Variants in QTMAN observed in about 807,000 individuals in gnomAD.
QTMAN encodes the protein queuosine-tRNA mannosyltransferase, also known as tRNA-queuosine alpha-mannosyltransferase.
the QTMAN span, among the ~76,000 whole-genome samples, chr2:144,303,232 A>T: frequency 1.3e-5 from 2 of 152,236 alleles, no homozygotes; most frequent in Non-Finnish European, 2.9e-5. Flanking sequence ...AAAGAAACAG[A>T]GGCTAGTAAA....
the QTMAN span, among the ~76,000 whole-genome samples, chr2:143,980,477 C>T: frequency 6.6e-6 from 1 of 152,132 alleles, no homozygotes; most frequent in Non-Finnish European, 1.5e-5. Flanking sequence ...ATCACATAGT[C>T]TAAAAAGTTA....
At chr2:144,092,241 T>C in the QTMAN span, among the ~76,000 whole-genome samples, 1 of 151,810 alleles carries the variant, frequency 6.6e-6, no homozygotes, top group Non-Finnish European at 1.5e-5. Context: ...AGTGGCATGA[T>C]CTCGGCTCAC....
At chr2:144,158,027 T>C in the QTMAN span, among the ~76,000 whole-genome samples, 1 of 152,078 alleles carries the variant, frequency 6.6e-6, no homozygotes, top group Non-Finnish European at 1.5e-5. Context: ...CTATTATTAT[T>C]CCTTTTTAAG....
At chr2:144,332,089 GGGC>G in the QTMAN span, among the ~76,000 whole-genome samples, 3 of 152,192 alleles carry the variant, frequency 2.0e-5, no homozygotes, top group Admixed American at 1.3e-4. Context: ...GCGGAGCGCC[GGGC>G]CGCAGAAAAC....
At chr2:143,966,014 T>C in the QTMAN span, among the ~76,000 whole-genome samples, 32 of 152,376 alleles carry the variant, frequency 2.1e-4, no homozygotes, top group African/African-American at 7.5e-4. Flanking sequence ...CCTGAAACTG[T>C]AGGTAGTACT....
chr2:144,066,977 C>T, the QTMAN span, among the ~76,000 whole-genome samples: 3 of 152,324 alleles, frequency 2.0e-5, no homozygotes, highest in East Asian at 3.9e-4. Context: ...TTTTCTCACA[C>T]CCCACAACTA....
chr2:144,127,509 G>A, the QTMAN span, among the ~76,000 whole-genome samples: 1 of 151,954 alleles, frequency 6.6e-6, no homozygotes, highest in Non-Finnish European at 1.5e-5. Flanking sequence ...GTGGTATGTG[G>A]ATTATCCATA....
chr2:144,259,402 A>C, the QTMAN span, among the ~76,000 whole-genome samples: 58 of 152,150 alleles, frequency 3.8e-4, no homozygotes, highest in African/African-American at 1.3e-3. Context: ...CAAGTGATCC[A>C]CCCACCTCAG....
At chr2:144,325,346 AGAGAT>A in the QTMAN span, among the ~76,000 whole-genome samples, 1 of 152,168 alleles carries the variant, frequency 6.6e-6, no homozygotes, top group Non-Finnish European at 1.5e-5. Context: ...AGTGCAGGGG[AGAGAT>A]GAGCAATTAT....
At chr2:143,966,685 T>G in the QTMAN span, among the ~76,000 whole-genome samples, 1 of 152,200 alleles carries the variant, frequency 6.6e-6, no homozygotes, top group Non-Finnish European at 1.5e-5. Context: ...ATGCAAAAGA[T>G]CTATAAACTG....
chr2:144,261,490 A>G, the QTMAN span, among the ~76,000 whole-genome samples: 1 of 152,212 alleles, frequency 6.6e-6, no homozygotes, highest in Non-Finnish European at 1.5e-5. Flanking sequence ...AAAACGTTAA[A>G]TATAATTTCC....
chr2:144,017,374 T>G, the QTMAN span, among the ~76,000 whole-genome samples: 1 of 152,210 alleles, frequency 6.6e-6, no homozygotes, highest in Non-Finnish European at 1.5e-5. Flanking sequence ...AAGGAGTTTT[T>G]CTTTAAAATT....
At chr2:144,091,081 G>T in the QTMAN span, among the ~76,000 whole-genome samples, 1 of 151,740 alleles carries the variant, frequency 6.6e-6, no homozygotes, top group Non-Finnish European at 1.5e-5. Flanking sequence ...AGTTCTAAAG[G>T]TAATTAAGTA....
the QTMAN span, among the ~76,000 whole-genome samples, chr2:144,276,783 C>T: frequency 6.6e-6 from 1 of 152,138 alleles, no homozygotes; most frequent in South Asian, 2.1e-4. Context: ...ACTCGCATGG[C>T]CTAATACCTC....
the QTMAN span, among the ~76,000 whole-genome samples, chr2:144,220,766 A>T: frequency 7.9e-5 from 12 of 152,330 alleles, no homozygotes; most frequent in African/African-American, 2.6e-4. Flanking sequence ...AACAGCCTGA[A>T]TTATTTTAGA....
the QTMAN span, among the ~76,000 whole-genome samples, chr2:143,949,224 TG>T: frequency 2.0e-5 from 3 of 151,982 alleles, no homozygotes; most frequent in East Asian, 5.8e-4. Context: ...TGGGAAGTCA[TG>T]GACACAAGTG....
At chr2:144,050,871 C>T in the QTMAN span, among the ~76,000 whole-genome samples, 1 of 152,028 alleles carries the variant, frequency 6.6e-6, no homozygotes, top group East Asian at 1.9e-4. Flanking sequence ...AAAGTCTGTA[C>T]ATGTTCAGTA....
chr2:144,089,738 G>A, the QTMAN span, among the ~76,000 whole-genome samples: 21 of 151,992 alleles, frequency 1.4e-4, no homozygotes, highest in East Asian at 2.7e-3. Context: ...ACATGGAGGT[G>A]GACAGTTGAA....
chr2:143,970,815 G>A, the QTMAN span: 3 of 1,015,740 alleles, frequency 3.0e-6, no homozygotes, highest in African/African-American at 1.6e-5. Flanking sequence ...CATGTGTTAG[G>A]AAAAGTGGTT....
Sources: allele counts gnomAD v4.1 joint callset (sites outside exome capture counted in the v4.1 genomes callset), GRCh38; gene constraint gnomAD v4.1.1; transcripts MANE v1.5; gene names NCBI Gene and HGNC (gene_info 2026-07-23, HGNC 2026-07-21).